Variants in PHF14 observed in about 807,000 individuals in gnomAD.
PHF14 encodes the protein PHD finger protein 14.
Under a neutral mutation model 117.9 loss-of-function variants are expected in PHF14, and 55 were observed. The ratio of observed to expected loss-of-function variants is 0.47; its 90% CI spans 0.38 to 0.58. The LOEUF is 0.58. PHF14 is among the 20% of genes least tolerant of loss of function. The pLI, the probability that PHF14 is intolerant of heterozygous loss-of-function variation, is 0.00. For synonymous variants in PHF14, 409 were observed against 368.6 expected (o/e 1.11, Z -1.26); for missense variants, 978 against 1,122.2 (o/e 0.87, Z 1.84).
chr7:11,153,321 A>C (rs1788752345), intron 17 of PHF14, among the ~76,000 whole-genome samples: 1 of 152,116 alleles, frequency 6.6e-6, no homozygotes, highest in Non-Finnish European at 1.5e-5. Context: ...GGAAGGAATT[A>C]AGGAATGACC....
At chr7:11,153,949 G>A (rs1456984710) in intron 17 of PHF14, among the ~76,000 whole-genome samples, 1 of 56,686 alleles carries the variant, frequency 1.8e-5, no homozygotes, top group African/African-American at 7.8e-5. Flanking sequence ...CTGTGTGTGC[G>A]TGTGTGTGTG....
In PHF14 at chr7:11,047,386, G is replaced by T. The variant is rs146029549; in HGVS notation, c.2313-4226G>T. Among the ~76,000 whole-genome samples the T allele has an allele frequency of 2.8e-4, 43 of 151,900 alleles. No homozygotes were observed. In the East Asian group the frequency reaches 6.6e-3, roughly 23 times the overall value. On this transcript the variant is annotated intron_variant, in intron 13 of 17. Transcript: ENST00000634607. ...CTGGCTTAAATTAGTACACTTTCTT[G>T]TCTAAGCACTATTAAACATTTTTCT... is the stretch of plus-strand genomic sequence containing the variant.
At position 11,036,483 on chromosome 7, in the gene PHF14, C is replaced by G; in HGVS notation, c.1668C>G (p.Pro556=). 1 of 1,613,618 alleles carries G rather than the reference C, an allele frequency of 6.2e-7. No homozygotes were observed. Among genetic ancestry groups the G allele is most frequent in the Non-Finnish European group, 8.5e-7 (1 of 1,179,556 alleles). Residue 556 remains proline (P), a synonymous_variant, in exon 9 of 18, where the codon CCC becomes CCG. Coordinates refer to ENST00000634607, the MANE Select transcript of PHF14 (RefSeq NM_001007157.2). ...AKAELARSTR[P]QAWVPREKLP... ...CAGAACTAGCTCGATCTACCAGACC[C>G]CAGGCCTGGGTTCCAAGGGAAAAAT...
intron 2 of PHF14, among the ~76,000 whole-genome samples, chr7:10,977,046 T>C (rs1200660385): frequency 6.6e-6 from 1 of 151,932 alleles, no homozygotes; most frequent in African/African-American, 2.4e-5. Flanking sequence ...ATTGATGCTC[T>C]GCATAGCTGA....
In PHF14 at chr7:11,040,710, G is replaced by C; in HGVS notation, c.2115G>C (p.Glu705Asp). 1 of 1,570,508 alleles carries C rather than the reference G, an allele frequency of 6.4e-7. No individual in the cohort carries two copies. Among genetic ancestry groups the C allele is most frequent in the Non-Finnish European group, 8.6e-7 (1 of 1,156,686 alleles). The change falls in exon 12 of 18, where the codon GAG becomes GAC. Residue 705 changes from glutamate (E) to aspartate (D), a missense_variant. Around this residue, in one of 7 missense-constraint regions of PHF14, gnomAD observed 237 missense variants for 276.4 expected, o/e 0.86. Coordinates refer to ENST00000634607, the MANE Select transcript of PHF14 (RefSeq NM_001007157.2). Reference sequence around the variant, plus strand: ...CGGCAATTTTGCGAGCACCCAAGGAGAGAAAACCAAGTAAAAAAGAAGGAG... The same window carrying C: ...CGGCAATTTTGCGAGCACCCAAGGACAGAAAACCAAGTAAAAAAGAAGGAG... ...NIPAILRAPK[E>D]RKPSKKEGGT...
intron 16 of PHF14, among the ~76,000 whole-genome samples, chr7:11,079,679 G>C (rs1302615812): frequency 6.6e-6 from 1 of 151,394 alleles, no homozygotes; most frequent in African/African-American, 2.4e-5. Context: ...ATGACTCTCT[G>C]TTTTCAAAAT....
intron 4 of PHF14, among the ~76,000 whole-genome samples, chr7:10,998,427 TAC>T (rs973081504): frequency 6.6e-6 from 1 of 152,046 alleles, no homozygotes; most frequent in Non-Finnish European, 1.5e-5. Flanking sequence ...TATATATGTA[TAC>T]ACACACAGAC....
chr7:10,990,868 C>G, intron 4 of PHF14, 21 bp downstream of exon 4: 1 of 1,542,546 alleles, frequency 6.5e-7, no homozygotes, highest in Non-Finnish European at 8.8e-7. Context: ...TTTCTTTTCT[C>G]TCTTTTTAGA....
intron 17 of PHF14, among the ~76,000 whole-genome samples, chr7:11,144,760 G>T (rs1035102177): frequency 1.3e-5 from 2 of 151,600 alleles, no homozygotes; most frequent in African/African-American, 4.8e-5. Context: ...GTGGTGATGT[G>T]GGGGGAAGAA....
chr7:11,107,962 A>G (rs1411805703), intron 16 of PHF14: 1 of 153,658 alleles, frequency 6.5e-6, no homozygotes, highest in African/African-American at 2.4e-5. Flanking sequence ...GAGTTTTTTT[A>G]AATGGTCTAA....
chr7:11,031,278 A>G (rs1460841781), intron 7 of PHF14, among the ~76,000 whole-genome samples: 1 of 152,034 alleles, frequency 6.6e-6, no homozygotes, highest in Non-Finnish European at 1.5e-5. Flanking sequence ...ATGACTTTGT[A>G]TAGCCTTCTG....
At chr7:11,156,156 A>G (rs1014262750) in intron 17 of PHF14, among the ~76,000 whole-genome samples, 29 of 152,364 alleles carry the variant, frequency 1.9e-4, no homozygotes, top group Non-Finnish European at 8.8e-5. Flanking sequence ...TTCTTTAATA[A>G]AAGCAAAGTA....
In PHF14 at chr7:10,979,013, A is replaced by G. The variant is rs528384698; in HGVS notation, c.113-3359A>G. Among the ~76,000 whole-genome samples the G allele has an allele frequency of 2.0e-5, 3 of 152,320 alleles. No homozygotes were observed. In the South Asian group the frequency reaches 6.2e-4, roughly 32 times the overall value. On this transcript the variant is annotated intron_variant, in intron 2 of 17. Transcript: ENST00000634607. ...GATCTGTTATCTATTGTGTATATTTATAGTACTAACACTGTTGTACCAGAT... is the reference window on the plus strand; with the variant it reads ...GATCTGTTATCTATTGTGTATATTTGTAGTACTAACACTGTTGTACCAGAT...
intron 17 of PHF14, among the ~76,000 whole-genome samples, chr7:11,151,010 T>C (rs1054058522): frequency 6.6e-5 from 10 of 152,324 alleles, no homozygotes; most frequent in Admixed American, 5.2e-4. Flanking sequence ...ATGGGTTTTC[T>C]GTTTACAATA....
chr7:11,165,168 C>A (rs577798103), intron 17 of PHF14, among the ~76,000 whole-genome samples: 9 of 152,326 alleles, frequency 5.9e-5, no homozygotes, highest in East Asian at 3.9e-4. Flanking sequence ...TGTGATCCGC[C>A]TGCCTCGGCC....
intron 16 of PHF14, among the ~76,000 whole-genome samples, chr7:11,086,930 C>G (rs1314928672): frequency 2.6e-5 from 4 of 152,208 alleles, no homozygotes; most frequent in East Asian, 3.9e-4. Context: ...TCACTGAAAT[C>G]TCTGCGTTAT....
At chr7:11,111,584 C>T (rs767812193) in intron 17 of PHF14, 117 bp downstream of exon 17, 16 of 582,990 alleles carry the variant, frequency 2.7e-5, no homozygotes, top group Admixed American at 2.3e-4. Context: ...ACATTTTAAC[C>T]AGTACACCTT....
chr7:11,000,922 A>G (rs956579636), intron 4 of PHF14, among the ~76,000 whole-genome samples: 8 of 152,076 alleles, frequency 5.3e-5, no homozygotes, highest in African/African-American at 1.9e-4. Context: ...TCTTGTATCT[A>G]AAAAGTCGTT....
chr7:11,132,026 A>T (rs901726692), intron 17 of PHF14, among the ~76,000 whole-genome samples: 1 of 151,830 alleles, frequency 6.6e-6, no homozygotes, highest in African/African-American at 2.4e-5. Context: ...ATACAGATAT[A>T]TGGTAAAAAG....
Sources: allele counts gnomAD v4.1 joint callset (sites outside exome capture counted in the v4.1 genomes callset), GRCh38; gene constraint gnomAD v4.1.1; regional missense constraint gnomAD v4.1.1; transcripts MANE v1.5; gene names NCBI Gene and HGNC (gene_info 2026-07-23, HGNC 2026-07-21).